The following DOCK3 variants were observed in gnomAD, a reference collection of about 807,000 sequenced individuals.
DOCK3 encodes the protein dedicator of cytokinesis protein 3.
In DOCK3, 60 loss-of-function variants were observed where a neutral mutation model predicts 265.6. The observed-to-expected ratio is 0.23, with a 90% CI of 0.18 to 0.28. DOCK3 has a LOEUF of 0.28. DOCK3 is among the 10% of genes least tolerant of loss of function. The pLI, the probability that DOCK3 is intolerant of heterozygous loss-of-function variation, is 1.00. For missense variants in DOCK3, 1,981 were observed against 2,594.3 expected, an observed-to-expected ratio of 0.76 and a Z score of 5.14; for synonymous variants, 881 against 938.0, an observed-to-expected ratio of 0.94 and a Z score of 1.11.
intron 1 of DOCK3, among the ~76,000 whole-genome samples, chr3:50,746,509 A>G (rs1320974425): frequency 6.6e-6 from 1 of 152,174 alleles, no homozygotes; most frequent in East Asian, 1.9e-4. Flanking sequence ...TTTCTCTGAT[A>G]ATGCCTTCTG....
intron 14 of DOCK3, among the ~76,000 whole-genome samples, chr3:51,216,796 T>C (rs562153886): frequency 6.6e-6 from 1 of 152,318 alleles, no homozygotes; most frequent in African/African-American, 2.4e-5. Context: ...GGTCAGCCTG[T>C]CTTGGGAAAC....
chr3:50,783,130 A>G (rs1434734560), intron 2 of DOCK3, among the ~76,000 whole-genome samples: 2 of 152,142 alleles, frequency 1.3e-5, no homozygotes, highest in Admixed American at 6.5e-5. Context: ...TTGTGCTGCT[A>G]TAAACATGCG....
At chr3:51,206,829 A>G (rs760186748) in intron 12 of DOCK3, among the ~76,000 whole-genome samples, 6 of 152,214 alleles carry the variant, frequency 3.9e-5, no homozygotes, top group Non-Finnish European at 7.3e-5. Context: ...AAGAGAGATG[A>G]TAATGACCAA....
rs374502342 is a variant in DOCK3 at position 50,678,936 on chromosome 3, AG to A, written c.37+3637del. ...GCCATTCTCCTGCCTCAGCCTCCCG[AG>A]TAGCTGGGACTACAGGTGCCCGCCA... is the stretch of plus-strand genomic sequence containing the variant. On this transcript the variant is annotated intron_variant, in intron 1 of 52. Coordinates refer to ENST00000266037, the MANE Select transcript of DOCK3 (RefSeq NM_004947.5). Among the ~76,000 whole-genome samples, 402 of 151,986 alleles carry A rather than the reference AG, an allele frequency of 2.6e-3. 1 individual carries two copies. In the Middle Eastern group the frequency reaches 0.061, roughly 23 times the overall value.
At chr3:50,838,649 A>C (rs776305261) in intron 2 of DOCK3, among the ~76,000 whole-genome samples, 4 of 152,252 alleles carry the variant, frequency 2.6e-5, no homozygotes, top group Non-Finnish European at 5.9e-5. Context: ...TAGATTTTCC[A>C]GAGTTCTTGG....
At chr3:50,696,581 CAG>C (rs751412071) in intron 1 of DOCK3, among the ~76,000 whole-genome samples, 8 of 152,132 alleles carry the variant, frequency 5.3e-5, no homozygotes, top group African/African-American at 7.2e-5. Flanking sequence ...ATTCAGGTCA[CAG>C]GGGACAGTAA....
intron 10 of DOCK3, among the ~76,000 whole-genome samples, chr3:51,148,826 G>T (rs1001939646): frequency 6.6e-6 from 1 of 152,016 alleles, no homozygotes; most frequent in Non-Finnish European, 1.5e-5. Context: ...GGCAATGTGG[G>T]CTCTTTTTTG....
At chr3:50,885,761 G>C (rs930530774) in intron 3 of DOCK3, among the ~76,000 whole-genome samples, 3 of 152,066 alleles carry the variant, frequency 2.0e-5, no homozygotes, top group Non-Finnish European at 2.9e-5. Context: ...TAAACAGTCA[G>C]CCACCTCTTA....
At chr3:50,839,116 C>T (rs969130383) in intron 2 of DOCK3, among the ~76,000 whole-genome samples, 3 of 152,142 alleles carry the variant, frequency 2.0e-5, no homozygotes, top group African/African-American at 7.2e-5. Flanking sequence ...TAAATGTATC[C>T]ACAGTATGCA....
intron 12 of DOCK3, among the ~76,000 whole-genome samples, chr3:51,196,525 G>C (rs1410824441): frequency 6.6e-6 from 1 of 152,028 alleles, no homozygotes; most frequent in Non-Finnish European, 1.5e-5. Flanking sequence ...TTGAACTTGT[G>C]GATATTGATA....
chr3:51,023,874 A>G (rs1159053080), intron 5 of DOCK3, among the ~76,000 whole-genome samples: 5 of 151,964 alleles, frequency 3.3e-5, no homozygotes, highest in Admixed American at 1.3e-4. Flanking sequence ...CTCATTTCAA[A>G]TATTTTATCT....
intron 1 of DOCK3, among the ~76,000 whole-genome samples, chr3:50,727,590 C>T (rs1236694627): frequency 2.6e-5 from 4 of 152,006 alleles, no homozygotes; most frequent in Non-Finnish European, 4.4e-5. Context: ...CCCAGATACT[C>T]GGGAGGCTGA....
intron 1 of DOCK3, among the ~76,000 whole-genome samples, chr3:50,742,896 A>C (rs2039154226): frequency 6.6e-6 from 1 of 152,222 alleles, no homozygotes; most frequent in African/African-American, 2.4e-5. Context: ...CATAATTGTC[A>C]GATTCACCAA....
chr3:51,339,099 GA>G, intron 37 of DOCK3, 71 bp downstream of exon 37: 1 of 1,333,566 alleles, frequency 7.5e-7, no homozygotes. Context: ...AATAGGCAGA[GA>G]AAGGCTTCAG....
intron 3 of DOCK3, among the ~76,000 whole-genome samples, chr3:50,868,387 T>C (rs967350436): frequency 6.6e-6 from 1 of 152,124 alleles, no homozygotes; most frequent in African/African-American, 2.4e-5. Flanking sequence ...TTGTTTTTTC[T>C]TTGGAGACAG....
At chr3:50,843,258 C>T (rs979858363) in intron 3 of DOCK3, among the ~76,000 whole-genome samples, 1 of 152,122 alleles carries the variant, frequency 6.6e-6, no homozygotes, top group South Asian at 2.1e-4. Context: ...TTACCTGTGG[C>T]AACAGTCAGC....
At chr3:50,945,351 ATATAATACTTTAGTATTTAG>A (rs1351923978) in intron 5 of DOCK3, among the ~76,000 whole-genome samples, 12 of 152,180 alleles carry the variant, frequency 7.9e-5, no homozygotes, top group East Asian at 1.9e-4. Context: ...ACATACTTTA[ATATAATACTTTAGTATTTAG>A]TATAATACTT....
In DOCK3 at chr3:51,259,258, G is replaced by A. The variant is rs78686963; in HGVS notation, c.2185-898G>A. ...TTCTGCTTTTCCAAACCATCTAACAGCTGGATAGATCATGAAAGGTAGTTT... is the reference window on the plus strand; with the variant it reads ...TTCTGCTTTTCCAAACCATCTAACAACTGGATAGATCATGAAAGGTAGTTT... On this transcript the variant is annotated intron_variant, in intron 22 of 52. Coordinates refer to ENST00000266037, the MANE Select transcript of DOCK3 (RefSeq NM_004947.5). Among the ~76,000 whole-genome samples the A allele has an allele frequency of 2.7e-3, 417 of 152,302 alleles. 2 individuals are homozygous for A. The highest frequency in any genetic ancestry group is 9.6e-3 in the African/African-American group (397 of 41,558).
intron 38 of DOCK3, 85 bp downstream of exon 38, chr3:51,341,470 G>A (rs1357592249): frequency 4.5e-6 from 7 of 1,559,080 alleles, no homozygotes; most frequent in Non-Finnish European, 5.2e-6. Context: ...AACAGCAGCT[G>A]CAGGGGGTAG....
Sources: allele counts gnomAD v4.1 joint callset (sites outside exome capture counted in the v4.1 genomes callset), GRCh38; gene constraint gnomAD v4.1.1; transcripts MANE v1.5; gene names NCBI Gene and HGNC (gene_info 2026-07-23, HGNC 2026-07-21).